The following ARHGAP12 variants were observed in gnomAD, a reference collection of about 807,000 sequenced individuals.
ARHGAP12 encodes the protein rho GTPase-activating protein 12.
ARHGAP12 carries 64 observed loss-of-function variants against 108.6 expected under a neutral mutation model. The observed-to-expected ratio is 0.59, with a 90% confidence interval of 0.48 to 0.73. ARHGAP12 has a LOEUF of 0.73. Ranked by LOEUF, ARHGAP12 falls within the 30% of genes least tolerant of loss-of-function variation. The probability of loss-of-function intolerance (pLI) is 0.00; values close to 1 mark genes in which losing one functional copy is unlikely to be tolerated. For missense variants in ARHGAP12, 940 were observed against 1,005.9 expected (o/e 0.93, Z 0.89); for synonymous variants, 312 against 337.2 (o/e 0.93, Z 0.82).
intron 3 of ARHGAP12, among the ~76,000 whole-genome samples, chr10:31,890,548 C>A (rs888641023): frequency 6.6e-6 from 1 of 152,102 alleles, no homozygotes; most frequent in African/African-American, 2.4e-5. Context: ...TACGGTAAGA[C>A]TGGGCTGGTG....
At chr10:31,853,964 T>C (rs1836792120) in intron 5 of ARHGAP12, 102 bp downstream of exon 5, 2 of 1,215,614 alleles carry the variant, frequency 1.6e-6, no homozygotes, top group Non-Finnish European at 2.3e-6. Flanking sequence ...ATGAAGAATA[T>C]TTTCATGAGT....
At chr10:31,913,937 A>G (rs986104854) in intron 1 of ARHGAP12, among the ~76,000 whole-genome samples, 3 of 152,204 alleles carry the variant, frequency 2.0e-5, no homozygotes, top group Non-Finnish European at 4.4e-5. Context: ...TTCTTGGTAT[A>G]GCACGGGGGT....
At chr10:31,888,746 A>G (rs1224368019) in intron 3 of ARHGAP12, among the ~76,000 whole-genome samples, 1 of 152,238 alleles carries the variant, frequency 6.6e-6, no homozygotes, top group Non-Finnish European at 1.5e-5. Flanking sequence ...AGTAAATATA[A>G]AACATAAGAT....
intron 1 of ARHGAP12, among the ~76,000 whole-genome samples, chr10:31,919,881 G>A (rs1390745137): frequency 6.6e-6 from 1 of 152,014 alleles, no homozygotes; most frequent in African/African-American, 2.4e-5. Flanking sequence ...CACTTTGGGA[G>A]GATGAGGTGG....
intron 3 of ARHGAP12, among the ~76,000 whole-genome samples, chr10:31,874,555 G>A (rs747260698): frequency 5.9e-5 from 9 of 152,090 alleles, no homozygotes; most frequent in Non-Finnish European, 8.8e-5. Context: ...AAAAGTAGAT[G>A]ATTTTCCATC....
Position 31,807,643 on chromosome 10 carries a change from T to G in ARHGAP12, c.*15A>C. The G allele has an allele frequency of 4.4e-6, 7 of 1,587,380 alleles. No homozygotes were observed. Among genetic ancestry groups the G allele is most frequent in the Non-Finnish European group, 6.0e-6 (7 of 1,170,604 alleles). ...GGAATCCAGCTTCTATTCCACAGGT[T>G]GTCTTCAGTAAGAATCAACGTCCGA... is the stretch of plus-strand genomic sequence containing the variant. On this transcript the variant is annotated 3_prime_UTR_variant, in exon 20 of 20. Transcript: ENST00000344936.
chr10:31,812,578 C>T (rs1592241995), intron 15 of ARHGAP12, 129 bp downstream of exon 15: 11 of 587,288 alleles, frequency 1.9e-5, no homozygotes, highest in Non-Finnish European at 3.1e-5. Flanking sequence ...GTCTTTTAAT[C>T]ACTGTACTTG....
At chr10:31,813,859 T>G (rs1329127703) in intron 14 of ARHGAP12, among the ~76,000 whole-genome samples, 1 of 152,212 alleles carries the variant, frequency 6.6e-6, no homozygotes, top group Non-Finnish European at 1.5e-5. Flanking sequence ...GGATGCCTGG[T>G]GTCCAGTAGG....
rs769392510 is a variant in ARHGAP12 at position 31,820,521 on chromosome 10, G to A, written c.1531-33C>T. The A allele has an allele frequency of 1.7e-5, 24 of 1,397,768 alleles. No homozygotes were observed. The East Asian group carries it at 5.3e-4, about 31-fold the overall frequency. 86.6% of individuals were successfully genotyped at this position (1,397,768 alleles called of 1,614,324 possible). On this transcript the variant is annotated intron_variant, in intron 11 of 19. Transcript: ENST00000344936. The stretch of plus-strand genomic sequence containing the variant: ...TTTGAAAAAGAAAAAAAACCTTCAT[G>A]TGATACTCACATATATGTGTATTCA...
Position 31,852,535 on chromosome 10 carries a change from T to C in ARHGAP12, c.1152A>G (p.Ser384=), listed in dbSNP as rs1411932912. The change falls in exon 6 of 20, where the codon TCA becomes TCG. Residue 384 remains serine (S), a synonymous_variant. Transcript: ENST00000344936. ...QYYYSADGSR[S]EWELPKYNAS... The stretch of plus-strand genomic sequence containing the variant: ...TTATTACCTTTGGCAATTCCCATTC[T>C]GACCGAGATCCGTCTGCACTGTAGT... The C allele has an allele frequency of 1.7e-5, 28 of 1,612,480 alleles. No homozygotes were observed. Among genetic ancestry groups the C allele is most frequent in the Non-Finnish European group, 2.0e-5 (24 of 1,178,582 alleles).
chr10:31,916,906 C>T (rs927375877), intron 1 of ARHGAP12, among the ~76,000 whole-genome samples: 3 of 152,064 alleles, frequency 2.0e-5, no homozygotes, highest in East Asian at 1.9e-4. Flanking sequence ...TGAGCCACCA[C>T]GCCCAGCCGA....
rs1473600882 is a variant in ARHGAP12, at chr10:31,839,663, G to C, written c.1345C>G (p.Pro449Ala). Residue 449 changes from proline (P) to alanine (A), a missense_variant, in exon 8 of 20, where the codon CCC becomes GCC. Coordinates refer to ENST00000344936, the MANE Select transcript of ARHGAP12 (RefSeq NM_018287.7). ...KPCFPENESS[P>A]SSPKHQDTAS... is the part of the protein sequence containing the mutation. ...GTATCTTGGTGCTTTGGTGAGGAGG[G>C]AGAAGACTCATTTTCAGGAAAGCAG... 47 of 1,608,596 alleles carry C rather than the reference G, an allele frequency of 2.9e-5. No homozygotes were observed. The highest frequency in any genetic ancestry group is 3.4e-5 in the Non-Finnish European group (40 of 1,176,464).
chr10:31,851,672 GCA>G (rs1268362732), intron 6 of ARHGAP12, among the ~76,000 whole-genome samples: 2 of 152,082 alleles, frequency 1.3e-5, no homozygotes, highest in Non-Finnish European at 2.9e-5. Context: ...AAAGAAGAAA[GCA>G]CTATTAACAT....
chr10:31,893,236 G>T (rs1047729958), intron 3 of ARHGAP12, among the ~76,000 whole-genome samples: 5 of 152,148 alleles, frequency 3.3e-5, no homozygotes, highest in Non-Finnish European at 7.3e-5. Flanking sequence ...CAGAAGGCAA[G>T]AAATGACTAA....
At chr10:31,847,117 T>C (rs1275341602) in intron 6 of ARHGAP12, among the ~76,000 whole-genome samples, 2 of 152,142 alleles carry the variant, frequency 1.3e-5, no homozygotes, top group Admixed American at 1.3e-4. Context: ...TCTTCACTTA[T>C]CTCAAGTGTG....
At chr10:31,864,565 A>C (rs1033753777) in intron 3 of ARHGAP12, among the ~76,000 whole-genome samples, 2 of 152,244 alleles carry the variant, frequency 1.3e-5, no homozygotes, top group Non-Finnish European at 2.9e-5. Flanking sequence ...CACTTAATGT[A>C]ATTTGTTGAA....
At chr10:31,906,224 C>T (rs1476297568) in intron 3 of ARHGAP12, among the ~76,000 whole-genome samples, 1 of 152,190 alleles carries the variant, frequency 6.6e-6, no homozygotes, top group Non-Finnish European at 1.5e-5. Context: ...CCCTAGCCTT[C>T]GGAATCACCC....
At chr10:31,895,844 G>A (rs1592351987) in intron 3 of ARHGAP12, among the ~76,000 whole-genome samples, 1 of 152,164 alleles carries the variant, frequency 6.6e-6, no homozygotes, top group African/African-American at 2.4e-5. Context: ...CAACCCAAAT[G>A]TCCAACAATG....
intron 11 of ARHGAP12, among the ~76,000 whole-genome samples, chr10:31,821,718 A>G (rs1835424570): frequency 6.6e-6 from 1 of 152,180 alleles, no homozygotes; most frequent in Non-Finnish European, 1.5e-5. Flanking sequence ...ATTACATAAA[A>G]TTTATTAGTG....
Sources: allele counts gnomAD v4.1 joint callset (sites outside exome capture counted in the v4.1 genomes callset), GRCh38; gene constraint gnomAD v4.1.1; transcripts MANE v1.5; gene names NCBI Gene and HGNC (gene_info 2026-07-23, HGNC 2026-07-21).